The following LDLRAD3 variants were observed in gnomAD, a reference collection of about 807,000 sequenced individuals.
LDLRAD3 encodes low-density lipoprotein receptor class A domain-containing protein 3.
A neutral mutation model predicts 29.4 loss-of-function variants in LDLRAD3; 20 were observed. The ratio of observed to expected loss-of-function variants is 0.68; its 90% CI spans 0.48 to 0.99. The LOEUF (loss-of-function observed/expected upper bound fraction) is 0.99. Ranked by LOEUF, LDLRAD3 falls within the 50% of genes least tolerant of loss-of-function variation. The probability of loss-of-function intolerance (pLI) is 0.00; values close to 1 mark genes in which losing one functional copy is unlikely to be tolerated. For synonymous variants in LDLRAD3, 157 were observed against 192.7 expected (o/e 0.81, Z 1.53); for missense variants, 420 against 454.3 (o/e 0.92, Z 0.69).
intron 4 of LDLRAD3, among the ~76,000 whole-genome samples, chr11:36,210,319 C>T (rs1221926684): frequency 6.6e-6 from 1 of 152,196 alleles, no homozygotes; most frequent in South Asian, 2.1e-4. Flanking sequence ...AGCTTGGGCC[C>T]TCTGTTGGCA....
intron 4 of LDLRAD3, among the ~76,000 whole-genome samples, chr11:36,145,050 C>T (rs1419589729): frequency 9.5e-6 from 1 of 104,852 alleles, no homozygotes; most frequent in Admixed American, 8.5e-5. Context: ...CCGGCCGCCT[C>T]TACTGGGAAG....
At chr11:36,174,878 A>G (rs1409152470) in intron 4 of LDLRAD3, among the ~76,000 whole-genome samples, 1 of 152,168 alleles carries the variant, frequency 6.6e-6, no homozygotes, top group Non-Finnish European at 1.5e-5. Context: ...GCTACTCAGG[A>G]GGCTGAGACA....
intron 4 of LDLRAD3, among the ~76,000 whole-genome samples, chr11:36,210,639 A>C (rs1855272076): frequency 6.6e-6 from 1 of 152,120 alleles, no homozygotes; most frequent in South Asian, 2.1e-4. Context: ...AGAACATTCA[A>C]ATGCTCCACC....
At chr11:35,960,040 T>C (rs1851256950) in intron 1 of LDLRAD3, among the ~76,000 whole-genome samples, 1 of 152,196 alleles carries the variant, frequency 6.6e-6, no homozygotes, top group African/African-American at 2.4e-5. Flanking sequence ...GCATATATCC[T>C]TTCTGTCCCT....
In LDLRAD3 at chr11:36,117,917, G is replaced by T. The variant is rs146124408; in HGVS notation, c.454+19456G>T. Among the ~76,000 whole-genome samples, 297 of 152,340 alleles carry T rather than the reference G, an allele frequency of 1.9e-3. 2 individuals are homozygous for T. Among genetic ancestry groups the T allele is most frequent in the Non-Finnish European group, 3.1e-3 (210 of 68,030 alleles). On this transcript the variant is annotated intron_variant, in intron 4 of 5. Transcript: ENST00000315571. The stretch of plus-strand genomic sequence containing the variant: ...GCTCTATGGGGCAGAAGTTATCAAA[G>T]GAGAAGGCACCAAGGCCAGCATCAA...
chr11:36,081,928 G>T, intron 3 of LDLRAD3, 150 bp downstream of exon 3: 1 of 950,422 alleles, frequency 1.1e-6, no homozygotes, highest in Non-Finnish European at 1.5e-6. Flanking sequence ...CCTACTTCTT[G>T]TGTAAATCTG....
intron 1 of LDLRAD3, among the ~76,000 whole-genome samples, chr11:35,979,335 C>T (rs1345586312): frequency 5.9e-5 from 9 of 152,134 alleles, no homozygotes; most frequent in Admixed American, 2.0e-4. Flanking sequence ...ACTTAGCTGC[C>T]GTTCCATATT....
At chr11:36,012,588 T>C (rs866848454) in intron 1 of LDLRAD3, among the ~76,000 whole-genome samples, 4 of 152,160 alleles carry the variant, frequency 2.6e-5, no homozygotes, top group African/African-American at 9.7e-5. Context: ...GAGACCGTTC[T>C]TAAGTGACTA....
At chr11:35,997,949 G>C (rs889995260) in intron 1 of LDLRAD3, among the ~76,000 whole-genome samples, 1 of 152,200 alleles carries the variant, frequency 6.6e-6, no homozygotes, top group African/African-American at 2.4e-5. Context: ...TTCTAGAAGA[G>C]GCTGTGGCGA....
chr11:36,136,384 A>T (rs1331648072), intron 4 of LDLRAD3, among the ~76,000 whole-genome samples: 2 of 152,190 alleles, frequency 1.3e-5, no homozygotes, highest in Admixed American at 6.5e-5. Flanking sequence ...CCCTGCCCAA[A>T]TCTCACGTTG....
chr11:36,100,188 T>C (rs1429377421), intron 4 of LDLRAD3, among the ~76,000 whole-genome samples: 1 of 152,174 alleles, frequency 6.6e-6, no homozygotes, highest in East Asian at 1.9e-4. Context: ...TAATGCACAC[T>C]GAAGGCTGAG....
At chr11:36,085,780 T>C (rs1372512402) in intron 3 of LDLRAD3, among the ~76,000 whole-genome samples, 1 of 148,706 alleles carries the variant, frequency 6.7e-6, no homozygotes, top group Non-Finnish European at 1.5e-5. Context: ...CCTGGCTAAT[T>C]TTTTTTTTAT....
At chr11:36,170,136 T>C (rs1377946836) in intron 4 of LDLRAD3, among the ~76,000 whole-genome samples, 1 of 152,000 alleles carries the variant, frequency 6.6e-6, no homozygotes, top group Non-Finnish European at 1.5e-5. Flanking sequence ...TTTCCATCCC[T>C]GAGTTACTTC....
chr11:36,068,617 A>G (rs1852837103), intron 2 of LDLRAD3, among the ~76,000 whole-genome samples: 1 of 152,176 alleles, frequency 6.6e-6, no homozygotes, highest in Non-Finnish European at 1.5e-5. Flanking sequence ...CTTGGGTTCA[A>G]GCGATTCTCC....
At chr11:35,990,629 T>C (rs185574782) in intron 1 of LDLRAD3, among the ~76,000 whole-genome samples, 11 of 152,114 alleles carry the variant, frequency 7.2e-5, no homozygotes, top group Admixed American at 7.2e-4. Flanking sequence ...TTGCCCAGGC[T>C]GGTCTCGAAC....
chr11:36,175,992 T>C (rs1326640978), intron 4 of LDLRAD3, among the ~76,000 whole-genome samples: 1 of 152,244 alleles, frequency 6.6e-6, no homozygotes, highest in Non-Finnish European at 1.5e-5. Flanking sequence ...AGCTCCATTG[T>C]TAGTACATAT....
intron 1 of LDLRAD3, among the ~76,000 whole-genome samples, chr11:36,030,405 GCTCA>G (rs1340114056): frequency 3.3e-5 from 5 of 151,704 alleles, no homozygotes; most frequent in Admixed American, 1.3e-4. Flanking sequence ...CTGCAGAGCC[GCTCA>G]CTCACTGGCC....
At chr11:36,168,498 CTTTTTTTTT>C (rs5791083) in intron 4 of LDLRAD3, among the ~76,000 whole-genome samples, 1 of 115,828 alleles carries the variant, frequency 8.6e-6, no homozygotes, top group African/African-American at 3.2e-5. Context: ...TTTCTTTCTT[CTTTTTTTTT>C]TTTTTTTTTT....
Position 36,188,371 on chromosome 11 carries a change from CA to C in LDLRAD3, c.455-38686del, listed in dbSNP as rs57049829. Among the ~76,000 whole-genome samples the C allele has an allele frequency of 4.9e-3, 301 of 61,998 alleles. 1 individual carries two copies. Among genetic ancestry groups the C allele is most frequent in the African/African-American group, 0.011 (193 of 17,382 alleles). 40.7% of individuals were successfully genotyped at this position (61,998 alleles called of 152,430 possible). On this transcript the variant is annotated intron_variant, in intron 4 of 5. Transcript: ENST00000315571. Reference sequence around the variant, plus strand: ...ACAAAGAAAAGGAGAGGAAAACCAGCAAAAAAAAAAAAAAAAAAAAAAAAAA... The same window carrying C: ...ACAAAGAAAAGGAGAGGAAAACCAGCAAAAAAAAAAAAAAAAAAAAAAAAA...
Sources: gnomAD v4.1 joint callset for allele counts (sites outside exome capture counted in the v4.1 genomes callset) on GRCh38, gnomAD v4.1.1 for gene constraint, MANE v1.5 for transcripts, NCBI Gene and HGNC (gene_info 2026-07-23, HGNC 2026-07-21) for gene names.